The following NETO1 variants were observed in gnomAD, a reference collection of about 807,000 sequenced individuals.
NETO1 encodes the protein neuropilin and tolloid-like protein 1.
A neutral mutation model predicts 61.3 loss-of-function variants in NETO1; 26 were observed. That is an observed-to-expected ratio of 0.42 (90% confidence interval 0.31 to 0.59). The LOEUF (loss-of-function observed/expected upper bound fraction) is 0.59. Among genes scored for constraint, NETO1 ranks in the 20% least tolerant of loss-of-function variants. NETO1 has a pLI of 0.12. For missense variants in NETO1, 531 were observed against 662.8 expected (o/e 0.80, Z 2.18); for synonymous variants, 225 against 225.8 (o/e 1.00, Z 0.03).
At chr18:72,776,018 A>C (rs1257897567) in intron 7 of NETO1, among the ~76,000 whole-genome samples, 1 of 152,202 alleles carries the variant, frequency 6.6e-6, no homozygotes, top group Non-Finnish European at 1.5e-5. Flanking sequence ...GTTGCTATAA[A>C]GGCATACTGG....
rs1359635072 is a variant in NETO1 at position 72,864,849 on chromosome 18, C to A, written c.179G>T (p.Ser60Ile). Residue 60 changes from serine to isoleucine, a missense_variant, in exon 3 of 11, where the codon AGC (serine) becomes ATC (isoleucine). Ser to Ile is a moderately radical substitution (Grantham distance 142, BLOSUM62 -2). Transcript: ENST00000327305. ...GCATTCCCGGTCAGGGGGATACTTGCTGGGATAGTTGGGAGAGGTAAAGAT... is the reference window on the plus strand; with the variant it reads ...GCATTCCCGGTCAGGGGGATACTTGATGGGATAGTTGGGAGAGGTAAAGAT... ...GGIFTSPNYP[S>I]KYPPDRECIY... 1.2e-6 allele frequency: 2 copies of A among 1,613,808 alleles called. No individual in the cohort carries two copies. Among genetic ancestry groups the A allele is most frequent in the African/African-American group, 2.7e-5 (2 of 74,820 alleles).
intron 4 of NETO1, among the ~76,000 whole-genome samples, chr18:72,804,003 A>G (rs2072593673): frequency 6.6e-6 from 1 of 152,102 alleles, no homozygotes; most frequent in Non-Finnish European, 1.5e-5. Flanking sequence ...AAATAATGCC[A>G]TTCTTCTAAT....
At chr18:72,804,883 T>G (rs1407370478) in intron 4 of NETO1, among the ~76,000 whole-genome samples, 1 of 152,222 alleles carries the variant, frequency 6.6e-6, no homozygotes, top group African/African-American at 2.4e-5. Flanking sequence ...CATTCATCCT[T>G]AATATTCTCC....
At chr18:72,766,742 T>C (rs1331486675) in intron 7 of NETO1, among the ~76,000 whole-genome samples, 1 of 152,130 alleles carries the variant, frequency 6.6e-6, no homozygotes, top group Non-Finnish European at 1.5e-5. Flanking sequence ...AGATATTACA[T>C]TAAGAAACAC....
chr18:72,837,907 A>T (rs2073805277), intron 4 of NETO1, among the ~76,000 whole-genome samples: 1 of 151,988 alleles, frequency 6.6e-6, no homozygotes. Context: ...CCTCTATGAC[A>T]GGTATCTCTA....
intron 7 of NETO1, among the ~76,000 whole-genome samples, chr18:72,767,652 A>G (rs1395920540): frequency 1.3e-5 from 2 of 152,168 alleles, no homozygotes; most frequent in Non-Finnish European, 2.9e-5. Flanking sequence ...AATTCATTTC[A>G]AATATTAGAA....
intron 6 of NETO1, among the ~76,000 whole-genome samples, chr18:72,786,292 C>T (rs2071915483): frequency 2.0e-5 from 3 of 152,102 alleles, no homozygotes; most frequent in Admixed American, 6.5e-5. Context: ...AAGGACAAGA[C>T]GAAATGTTGC....
chr18:72,824,390 A>G (rs1000805912), intron 4 of NETO1, among the ~76,000 whole-genome samples: 4 of 152,214 alleles, frequency 2.6e-5, no homozygotes, highest in Non-Finnish European at 5.9e-5. Flanking sequence ...TTATGATCCC[A>G]AATTGAATGT....
chr18:72,837,253 A>C (rs1435819382), intron 4 of NETO1, among the ~76,000 whole-genome samples: 4 of 152,180 alleles, frequency 2.6e-5, no homozygotes, highest in Non-Finnish European at 1.5e-5. Context: ...GGACATCATA[A>C]ACATGTGCAG....
At chr18:72,774,342 G>C (rs1358286522) in intron 7 of NETO1, among the ~76,000 whole-genome samples, 2 of 152,080 alleles carry the variant, frequency 1.3e-5, no homozygotes, top group East Asian at 3.9e-4. Flanking sequence ...ATTCCACGAA[G>C]GTCTCTGTTT....
intron 4 of NETO1, among the ~76,000 whole-genome samples, chr18:72,837,098 A>G (rs2073774486): frequency 6.6e-6 from 1 of 152,314 alleles, no homozygotes; most frequent in Middle Eastern, 3.4e-3. Context: ...ATCAAGATGT[A>G]TTATTGTTCA....
At chr18:72,753,697 G>T (rs2070698046) in intron 8 of NETO1, among the ~76,000 whole-genome samples, 1 of 152,148 alleles carries the variant, frequency 6.6e-6, no homozygotes, top group Admixed American at 6.5e-5. Flanking sequence ...TCTTTCTTCT[G>T]CAGTCTTCAC....
At chr18:72,759,461 T>C (rs2070898583) in intron 7 of NETO1, among the ~76,000 whole-genome samples, 1 of 152,190 alleles carries the variant, frequency 6.6e-6, no homozygotes, top group African/African-American at 2.4e-5. Context: ...TGGCTTAAGC[T>C]TACTAGGCTT....
At chr18:72,831,583 C>T (rs2073580542) in intron 4 of NETO1, among the ~76,000 whole-genome samples, 1 of 152,168 alleles carries the variant, frequency 6.6e-6, no homozygotes, top group Non-Finnish European at 1.5e-5. Flanking sequence ...TCAACAATTC[C>T]ACCCTCTCCC....
intron 4 of NETO1, among the ~76,000 whole-genome samples, chr18:72,796,800 G>GA (rs200002404): frequency 9.7e-4 from 146 of 149,886 alleles, no homozygotes; most frequent in Middle Eastern, 3.4e-3. Flanking sequence ...AGAAAAAAAG[G>GA]AAAAAAAAAC....
At chr18:72,770,493 C>A (rs1044647567) in intron 7 of NETO1, among the ~76,000 whole-genome samples, 4 of 152,024 alleles carry the variant, frequency 2.6e-5, no homozygotes, top group Non-Finnish European at 5.9e-5. Flanking sequence ...ATTTTCTCAG[C>A]ATATGTTGTG....
At chr18:72,851,327 T>C (rs1264247294) in intron 4 of NETO1, among the ~76,000 whole-genome samples, 2 of 151,720 alleles carry the variant, frequency 1.3e-5, no homozygotes, top group Non-Finnish European at 2.9e-5. Context: ...AGGAGAATTA[T>C]GTGAACCCGG....
At chr18:72,785,710 C>T (rs1396398683) in intron 6 of NETO1, among the ~76,000 whole-genome samples, 1 of 152,142 alleles carries the variant, frequency 6.6e-6, no homozygotes, top group Admixed American at 6.5e-5. Context: ...AGTCTAAAAA[C>T]ATCAACTAGC....
intron 7 of NETO1, among the ~76,000 whole-genome samples, chr18:72,776,383 CCA>C (rs2071548516): frequency 6.6e-6 from 1 of 152,198 alleles, no homozygotes; most frequent in Admixed American, 6.5e-5. Context: ...CTCAATACTA[CCA>C]CACTGGGGAT....
Sources: gnomAD v4.1 joint callset for allele counts (sites outside exome capture counted in the v4.1 genomes callset) on GRCh38, gnomAD v4.1.1 for gene constraint, MANE v1.5 for transcripts, NCBI Gene and HGNC (gene_info 2026-07-23, HGNC 2026-07-21) for gene names.